Variants in RBFOX1 observed in about 807,000 individuals in gnomAD.
RBFOX1 encodes RNA binding fox-1 homolog 1, also known as RNA binding protein fox-1 homolog 1.
Under a neutral mutation model 57.7 loss-of-function variants are expected in RBFOX1, and 8 were observed. The ratio of observed to expected loss-of-function variants is 0.14; its 90% CI spans 0.08 to 0.25. The LOEUF (loss-of-function observed/expected upper bound fraction) is 0.25, where lower values mean the gene tolerates loss of function less well. Among genes scored for constraint, RBFOX1 ranks in the 10% least tolerant of loss-of-function variants. The probability of loss-of-function intolerance (pLI) is 1.00; values close to 1 mark genes in which losing one functional copy is unlikely to be tolerated. For synonymous variants in RBFOX1, 326 were observed against 222.4 expected (o/e 1.47, Z -4.15); for missense variants, 611 against 548.5 (o/e 1.11, Z -1.14).
At chr16:7,260,373 T>C (rs1322639219) in intron 4 of RBFOX1, among the ~76,000 whole-genome samples, 1 of 152,158 alleles carries the variant, frequency 6.6e-6, no homozygotes, top group Non-Finnish European at 1.5e-5. Context: ...CTCTTAAAAA[T>C]TAAGCAAGAA....
At chr16:6,417,196 G>C (rs2093647078) in intron 2 of RBFOX1, among the ~76,000 whole-genome samples, 1 of 151,908 alleles carries the variant, frequency 6.6e-6, no homozygotes, top group South Asian at 2.1e-4. Flanking sequence ...ATTTTTAGTA[G>C]AGATGGGGTT....
At chr16:5,460,121 C>T (rs185820349) in intron 1 of RBFOX1, among the ~76,000 whole-genome samples, 6 of 152,188 alleles carry the variant, frequency 3.9e-5, no homozygotes, top group South Asian at 2.1e-4. Context: ...AGTGTAAAGT[C>T]GGCATGTTTT....
At chr16:6,726,307 G>C (rs1603464289) in intron 3 of RBFOX1, among the ~76,000 whole-genome samples, 2 of 151,930 alleles carry the variant, frequency 1.3e-5, no homozygotes, top group South Asian at 2.1e-4. Flanking sequence ...GTTTTAAGTA[G>C]TGTGCTTTCA....
chr16:7,702,806 G>A (rs1381429628), intron 14 of RBFOX1, among the ~76,000 whole-genome samples: 1 of 152,134 alleles, frequency 6.6e-6, no homozygotes, highest in East Asian at 1.9e-4. Flanking sequence ...AATGATACCA[G>A]CAACAATGCA....
chr16:5,793,236 G>A (rs999998036), intron 3 of RBFOX1, among the ~76,000 whole-genome samples: 4 of 152,206 alleles, frequency 2.6e-5, no homozygotes, highest in South Asian at 2.1e-4. Context: ...TGTGCTGACC[G>A]GCTCCTTTTG....
chr16:6,487,220 C>T (rs1302549982), intron 2 of RBFOX1, among the ~76,000 whole-genome samples: 1 of 151,414 alleles, frequency 6.6e-6, no homozygotes, highest in Non-Finnish European at 1.5e-5. Context: ...GCTACAGCAA[C>T]TCGTTTTTGA....
At chr16:7,017,425 A>G (rs2093971728) in intron 3 of RBFOX1, among the ~76,000 whole-genome samples, 1 of 152,212 alleles carries the variant, frequency 6.6e-6, no homozygotes, top group Non-Finnish European at 1.5e-5. Flanking sequence ...AATGAGATAA[A>G]TCTTGGCCCC....
intron 3 of RBFOX1, among the ~76,000 whole-genome samples, chr16:6,717,194 C>G (rs929170582): frequency 6.6e-6 from 1 of 151,866 alleles, no homozygotes; most frequent in African/African-American, 2.4e-5. Flanking sequence ...AGCAACTCGA[C>G]TAAAATGGTG....
chr16:7,298,426 C>CT (rs766886681), intron 4 of RBFOX1, among the ~76,000 whole-genome samples: 10 of 151,794 alleles, frequency 6.6e-5, no homozygotes, highest in Non-Finnish European at 1.5e-4. Flanking sequence ...GTAGCTGGGA[C>CT]TACAGATGCG....
Position 6,851,964 on chromosome 16 carries a change from C to T in RBFOX1, c.-16+197314C>T, listed in dbSNP as rs539551284. 1.3e-4 allele frequency among the ~76,000 whole-genome samples: 19 copies of T among 148,710 alleles called. 1 individual carries two copies. In the South Asian group the frequency reaches 1.7e-3, roughly 13 times the overall value. On this transcript the variant is annotated intron_variant, in intron 3 of 15. Transcript: ENST00000550418. ...TTCTTTTTTTGAGATGGAGGTTCGT[C>T]GCCCAGGCTGGAGTCCAGTGGTGTG...
intron 2 of RBFOX1, among the ~76,000 whole-genome samples, chr16:6,522,312 C>G (rs74823855): frequency 0.015 from 2,208 of 152,090 alleles, 45 homozygotes; most frequent in African/African-American, 0.051. Flanking sequence ...GGAGGGAATG[C>G]CATAATTCCA....
chr16:6,901,707 C>A (rs2068542390), intron 3 of RBFOX1, among the ~76,000 whole-genome samples: 1 of 152,142 alleles, frequency 6.6e-6, no homozygotes, highest in Non-Finnish European at 1.5e-5. Context: ...TAATTTGTTA[C>A]ATGGAAGCTC....
intron 3 of RBFOX1, among the ~76,000 whole-genome samples, chr16:6,908,754 C>G (rs1232174860): frequency 1.3e-5 from 2 of 152,194 alleles, no homozygotes; most frequent in Non-Finnish European, 2.9e-5. Flanking sequence ...CATTGACTCA[C>G]TGTGCAATCT....
intron 4 of RBFOX1, among the ~76,000 whole-genome samples, chr16:7,222,468 T>G (rs2092800767): frequency 6.6e-6 from 1 of 152,136 alleles, no homozygotes; most frequent in Non-Finnish European, 1.5e-5. Context: ...TTGTCCCCCT[T>G]GAAAAGTTGG....
At chr16:7,177,957 C>G (rs553301445) in intron 4 of RBFOX1, among the ~76,000 whole-genome samples, 1 of 152,170 alleles carries the variant, frequency 6.6e-6, no homozygotes, top group African/African-American at 2.4e-5. Flanking sequence ...AACTGGAGAG[C>G]AGACACAACA....
chr16:6,639,273 C>G (rs968883386), intron 2 of RBFOX1, among the ~76,000 whole-genome samples: 5 of 152,170 alleles, frequency 3.3e-5, no homozygotes, highest in African/African-American at 1.2e-4. Context: ...TTCTGTCTAT[C>G]TGATTCCTAA....
At chr16:6,148,547 T>C (rs1229731698) in intron 1 of RBFOX1, among the ~76,000 whole-genome samples, 1 of 152,126 alleles carries the variant, frequency 6.6e-6, no homozygotes. Context: ...GAAAACCTTA[T>C]CAAATTAGGA....
chr16:6,500,614 G>C (rs802697), intron 2 of RBFOX1, among the ~76,000 whole-genome samples: 16,848 of 152,120 alleles, frequency 0.11, 1,714 homozygotes, highest in East Asian at 0.43. Flanking sequence ...AAAGAGCCAA[G>C]GTGAAGAGGC....
intron 2 of RBFOX1, among the ~76,000 whole-genome samples, chr16:5,570,381 G>C (rs565231822): frequency 3.9e-5 from 6 of 152,256 alleles, no homozygotes; most frequent in Non-Finnish European, 7.4e-5. Flanking sequence ...GTTTGAATAG[G>C]AGTTAGTGTA....
Sources: allele counts gnomAD v4.1 joint callset (sites outside exome capture counted in the v4.1 genomes callset), GRCh38; gene constraint gnomAD v4.1.1; transcripts MANE v1.5; gene names NCBI Gene and HGNC (gene_info 2026-07-23, HGNC 2026-07-21).